Variants in KCNT2 observed in about 807,000 individuals in gnomAD.
KCNT2 encodes potassium channel subfamily T member 2.
In KCNT2, 67 loss-of-function variants were observed where a neutral mutation model predicts 153.8. The observed-to-expected ratio is 0.44, with a 90% CI of 0.36 to 0.53. KCNT2 has a LOEUF of 0.53. Ranked by LOEUF, KCNT2 falls within the 20% of genes least tolerant of loss-of-function variation. KCNT2 has a pLI of 0.00. For synonymous variants in KCNT2, 500 were observed against 458.8 expected (o/e 1.09, Z -1.15); for missense variants, 975 against 1,354.8 (o/e 0.72, Z 4.40).
intron 17 of KCNT2, among the ~76,000 whole-genome samples, chr1:196,332,681 ATT>A (rs1664578336): frequency 6.6e-6 from 1 of 152,068 alleles, no homozygotes. Flanking sequence ...TACACAAAAC[ATT>A]GTTTTTGTAT....
intron 1 of KCNT2, among the ~76,000 whole-genome samples, chr1:196,527,016 A>G (rs1481491116): frequency 6.6e-6 from 1 of 152,092 alleles, no homozygotes; most frequent in Non-Finnish European, 1.5e-5. Context: ...CTCTATTGTG[A>G]ACTGTGCATG....
intron 25 of KCNT2, among the ~76,000 whole-genome samples, chr1:196,274,276 A>G (rs886287632): frequency 6.6e-6 from 1 of 151,660 alleles, no homozygotes; most frequent in South Asian, 2.1e-4. Flanking sequence ...AGGTGGAAGT[A>G]ACATTTTCAA....
At chr1:196,573,060 G>A (rs1263888869) in intron 1 of KCNT2, among the ~76,000 whole-genome samples, 1 of 152,118 alleles carries the variant, frequency 6.6e-6, no homozygotes, top group Non-Finnish European at 1.5e-5. Flanking sequence ...GCACACAACA[G>A]ATACTTGGCC....
chr1:196,421,414 C>T (rs962728204), intron 12 of KCNT2, among the ~76,000 whole-genome samples: 1 of 151,926 alleles, frequency 6.6e-6, no homozygotes, highest in African/African-American at 2.4e-5. Context: ...AATTACCACT[C>T]GAGGGGGCAC....
chr1:196,436,070 T>C (rs1174254267), intron 8 of KCNT2, among the ~76,000 whole-genome samples: 1 of 151,606 alleles, frequency 6.6e-6, no homozygotes, highest in Non-Finnish European at 1.5e-5. Context: ...AAAATGATAC[T>C]AAGACATGGA....
intron 10 of KCNT2, 127 bp from the exon 11 acceptor site, chr1:196,426,115 T>G: frequency 1.4e-6 from 1 of 705,634 alleles, no homozygotes; most frequent in Non-Finnish European, 2.3e-6. Context: ...GCTAATAAAA[T>G]TTCACATTTA....
At chr1:196,595,422 T>C (rs1663930387) in intron 1 of KCNT2, among the ~76,000 whole-genome samples, 1 of 152,086 alleles carries the variant, frequency 6.6e-6, no homozygotes, top group Non-Finnish European at 1.5e-5. Context: ...AGTCATGTGC[T>C]TTATATATAT....
chr1:196,367,813 G>C (rs368150279), intron 14 of KCNT2, among the ~76,000 whole-genome samples: 4 of 152,082 alleles, frequency 2.6e-5, no homozygotes, highest in Non-Finnish European at 4.4e-5. Flanking sequence ...ATGTGACAGG[G>C]CTCTGACCAA....
chr1:196,554,970 G>A (rs2148906660), intron 1 of KCNT2, among the ~76,000 whole-genome samples: 1 of 150,850 alleles, frequency 6.6e-6, no homozygotes, highest in African/African-American at 2.4e-5. Context: ...AAAAACTTGG[G>A]ACACAGGGAA....
chr1:196,281,898 C>T (rs946709847), intron 24 of KCNT2, among the ~76,000 whole-genome samples: 4 of 151,512 alleles, frequency 2.6e-5, no homozygotes, highest in South Asian at 2.1e-4. Context: ...TACAGGGGCC[C>T]GCCACCACAC....
At chr1:196,377,211 T>C (rs1231155641) in intron 13 of KCNT2, among the ~76,000 whole-genome samples, 1 of 151,920 alleles carries the variant, frequency 6.6e-6, no homozygotes, top group Admixed American at 6.6e-5. Context: ...AACATTATTC[T>C]AGAACATCAA....
intron 21 of KCNT2, among the ~76,000 whole-genome samples, chr1:196,306,503 C>T (rs925486204): frequency 1.3e-5 from 2 of 152,078 alleles, no homozygotes; most frequent in African/African-American, 4.8e-5. Flanking sequence ...TTTTACCTTT[C>T]CTCAGGTCCA....
At chr1:196,242,173 T>C (rs1360299036) in intron 26 of KCNT2, among the ~76,000 whole-genome samples, 1 of 152,126 alleles carries the variant, frequency 6.6e-6, no homozygotes, top group Non-Finnish European at 1.5e-5. Context: ...TTAAAGAATG[T>C]GGGACAAAAC....
At chr1:196,355,000 G>A (rs916607550) in intron 14 of KCNT2, among the ~76,000 whole-genome samples, 1 of 151,688 alleles carries the variant, frequency 6.6e-6, no homozygotes, top group African/African-American at 2.4e-5. Flanking sequence ...CTGACAAATC[G>A]TAGCCAGTTT....
intron 26 of KCNT2, among the ~76,000 whole-genome samples, chr1:196,250,005 G>A (rs895516994): frequency 6.6e-6 from 1 of 151,946 alleles, no homozygotes; most frequent in East Asian, 1.9e-4. Context: ...TTCACATATT[G>A]TTAAAATGCC....
At chr1:196,397,930 C>T (rs553219645) in intron 13 of KCNT2, among the ~76,000 whole-genome samples, 28 of 151,026 alleles carry the variant, frequency 1.9e-4, no homozygotes, top group Admixed American at 3.3e-4. Context: ...CTTAAATCAA[C>T]ATTAGCGGTT....
chr1:196,333,733 G>T, intron 17 of KCNT2, 114 bp downstream of exon 17: 1 of 673,270 alleles, frequency 1.5e-6, no homozygotes, highest in Non-Finnish European at 2.6e-6. Flanking sequence ...ATTCTAGGAT[G>T]TTCAGAAGGA....
At chr1:196,547,932 C>G (rs928400971) in intron 1 of KCNT2, among the ~76,000 whole-genome samples, 2 of 151,734 alleles carry the variant, frequency 1.3e-5, no homozygotes, top group African/African-American at 4.8e-5. Flanking sequence ...TAGGGATAGT[C>G]TAAAATGCAA....
chr1:196,319,989 A>T (rs1348343709), intron 19 of KCNT2, among the ~76,000 whole-genome samples: 2 of 151,796 alleles, frequency 1.3e-5, no homozygotes, highest in Non-Finnish European at 2.9e-5. Flanking sequence ...GTCTATTAAG[A>T]ACTACTTTCT....
Sources: allele counts gnomAD v4.1 joint callset (sites outside exome capture counted in the v4.1 genomes callset), GRCh38; gene constraint gnomAD v4.1.1; transcripts MANE v1.5; gene names NCBI Gene and HGNC (gene_info 2026-07-23, HGNC 2026-07-21).